DLGAP2: variants seen among roughly 807,000 people sequenced by gnomAD.
DLGAP2 encodes disks large-associated protein 2.
A neutral mutation model predicts 100.3 loss-of-function variants in DLGAP2; 26 were observed. The ratio of observed to expected loss-of-function variants is 0.26; its 90% CI spans 0.19 to 0.36. The LOEUF is 0.36. Ranked by LOEUF, DLGAP2 falls within the 10% of genes least tolerant of loss-of-function variation. The pLI, the probability that DLGAP2 is intolerant of heterozygous loss-of-function variation, is 1.00. For missense variants in DLGAP2, 1,858 were observed against 1,453.2 expected (o/e 1.28, Z -4.53); for synonymous variants, 886 against 630.1 (o/e 1.41, Z -6.08).
chr8:800,849 G>C (rs1474848698), intron 1 of DLGAP2, among the ~76,000 whole-genome samples: 1 of 152,142 alleles, frequency 6.6e-6, no homozygotes, highest in African/African-American at 2.4e-5. Flanking sequence ...TGGCAGCCCT[G>C]CGTCTCCAAG....
At chr8:909,950 AAAGGTCCTTGT>A (rs1798452489) in intron 2 of DLGAP2, among the ~76,000 whole-genome samples, 3 of 152,222 alleles carry the variant, frequency 2.0e-5, no homozygotes, top group African/African-American at 7.2e-5. Context: ...AGTGGCATAT[AAAGGTCCTTGT>A]AAGGGCGACT....
chr8:1,080,082 G>A (rs970511194), intron 2 of DLGAP2, among the ~76,000 whole-genome samples: 15 of 152,218 alleles, frequency 9.9e-5, no homozygotes, highest in Middle Eastern at 3.2e-3. Flanking sequence ...GGCCTGGCAC[G>A]GGCCTGCTTC....
intron 2 of DLGAP2, 73 bp downstream of exon 2, chr8:908,039 C>A (rs996499547): frequency 2.5e-6 from 1 of 398,332 alleles, no homozygotes. Flanking sequence ...AATGTGATTA[C>A]CTAATTTAGA....
intron 3 of DLGAP2, among the ~76,000 whole-genome samples, chr8:1,304,415 G>A (rs1800441148): frequency 6.6e-6 from 1 of 152,156 alleles, no homozygotes; most frequent in Admixed American, 6.5e-5. Context: ...GCAGAAAGTT[G>A]TACATGAGAT....
chr8:1,173,896 G>A (rs1421178155), intron 2 of DLGAP2, among the ~76,000 whole-genome samples: 3 of 152,164 alleles, frequency 2.0e-5, no homozygotes, highest in South Asian at 2.1e-4. Flanking sequence ...ACTGACCTGC[G>A]CCCACCTCTG....
intron 3 of DLGAP2, among the ~76,000 whole-genome samples, chr8:1,351,514 C>G (rs189739151): frequency 1.9e-4 from 7 of 37,586 alleles, no homozygotes; most frequent in East Asian, 5.0e-3. Flanking sequence ...CGGGTCCTGA[C>G]TGTGTGTGGA....
chr8:949,058 C>A (rs1482776569), intron 2 of DLGAP2, among the ~76,000 whole-genome samples: 1 of 152,186 alleles, frequency 6.6e-6, no homozygotes, highest in Non-Finnish European at 1.5e-5. Context: ...GGAGCAGGGC[C>A]CGTGGGCGTG....
chr8:967,856 A>T (rs1356066899), intron 2 of DLGAP2, among the ~76,000 whole-genome samples: 5 of 80,516 alleles, frequency 6.2e-5, no homozygotes, highest in Admixed American at 3.6e-4. Flanking sequence ...ATATATATAT[A>T]TATATATATA....
rs569530757 is a variant in DLGAP2, at chr8:743,882, T to A, written c.18+6057T>A. ...GCGATGCCTTTTGCTGGTATTTGCATGTGATTTCCGTGGCCGGGTCTTCAT... is the reference window on the plus strand; with the variant it reads ...GCGATGCCTTTTGCTGGTATTTGCAAGTGATTTCCGTGGCCGGGTCTTCAT... On this transcript the variant is annotated intron_variant, in intron 1 of 14. Transcript: ENST00000637795. 5.2e-5 allele frequency among the ~76,000 whole-genome samples: 8 copies of A among 152,388 alleles called. No individual in the cohort carries two copies. In the South Asian group the frequency reaches 1.7e-3, roughly 32 times the overall value.
At chr8:1,204,777 G>A (rs1346610615) in intron 2 of DLGAP2, among the ~76,000 whole-genome samples, 1 of 152,162 alleles carries the variant, frequency 6.6e-6, no homozygotes, top group African/African-American at 2.4e-5. Flanking sequence ...GAAAAAATCT[G>A]AATAAGAGGT....
chr8:880,432 C>A (rs562010053), intron 1 of DLGAP2, among the ~76,000 whole-genome samples: 5 of 152,168 alleles, frequency 3.3e-5, no homozygotes, highest in Non-Finnish European at 7.3e-5. Flanking sequence ...GCGGGGTGAC[C>A]GTCCAGTGTG....
chr8:1,599,919 GC>G (rs1299725531), intron 6 of DLGAP2, among the ~76,000 whole-genome samples: 1 of 152,082 alleles, frequency 6.6e-6, no homozygotes, highest in African/African-American at 2.4e-5. Context: ...TCATTATGAT[GC>G]TAGCCGGTTA....
At chr8:1,610,442 A>T (rs1210171612) in intron 6 of DLGAP2, among the ~76,000 whole-genome samples, 1 of 150,248 alleles carries the variant, frequency 6.7e-6, no homozygotes, top group East Asian at 1.9e-4. Flanking sequence ...AGCAGGAAAG[A>T]TCCAAAATTG....
rs543691697 is a variant in DLGAP2, at chr8:767,590, C to G, written c.18+29765C>G. ...CAGGCTGGTCTCGAACTCCTGACCT[C>G]GTGATCCACGTGCCTTGGCCTCCCA... On this transcript the variant is annotated intron_variant, in intron 1 of 14. Coordinates refer to ENST00000637795, the MANE Select transcript of DLGAP2 (RefSeq NM_001346810.2). Among the ~76,000 whole-genome samples the G allele has an allele frequency of 5.4e-4, 82 of 152,180 alleles. 2 individuals are homozygous for G. The South Asian group carries it at 9.7e-3, about 18-fold the overall frequency.
chr8:1,443,399 C>T (rs1300892102), intron 3 of DLGAP2, among the ~76,000 whole-genome samples: 1 of 152,154 alleles, frequency 6.6e-6, no homozygotes, highest in Non-Finnish European at 1.5e-5. Flanking sequence ...TTCCAGCCTT[C>T]CCTCTAGCGG....
At chr8:1,245,687 T>C (rs1411175466) in intron 2 of DLGAP2, among the ~76,000 whole-genome samples, 2 of 152,246 alleles carry the variant, frequency 1.3e-5, no homozygotes, top group Non-Finnish European at 2.9e-5. Context: ...GTGAGTATGC[T>C]ATTGAGCTGT....
chr8:1,197,534 T>G (rs941139592), intron 2 of DLGAP2, among the ~76,000 whole-genome samples: 2 of 152,226 alleles, frequency 1.3e-5, no homozygotes, highest in Non-Finnish European at 2.9e-5. Context: ...GCTGTCTACA[T>G]AAACCTGAGC....
intron 3 of DLGAP2, among the ~76,000 whole-genome samples, chr8:1,412,849 C>A (rs78160993): frequency 6.7e-6 from 1 of 148,444 alleles, no homozygotes; most frequent in South Asian, 2.1e-4. Flanking sequence ...TCAGGGCCAC[C>A]TGCATTTCCT....
At chr8:1,472,546 G>T (rs559149519) in intron 3 of DLGAP2, among the ~76,000 whole-genome samples, 1 of 152,282 alleles carries the variant, frequency 6.6e-6, no homozygotes, top group South Asian at 2.1e-4. Flanking sequence ...CAGGGTCTCG[G>T]GCCCGAGTGC....
Sources: allele counts gnomAD v4.1 joint callset (sites outside exome capture counted in the v4.1 genomes callset), GRCh38; gene constraint gnomAD v4.1.1; transcripts MANE v1.5; gene names NCBI Gene and HGNC (gene_info 2026-07-23, HGNC 2026-07-21).